RALGPS1: variants seen among roughly 807,000 people sequenced by gnomAD.
RALGPS1 encodes ras-specific guanine nucleotide-releasing factor RalGPS1.
RALGPS1 carries 19 observed loss-of-function variants against 78.8 expected under a neutral mutation model. The observed-to-expected ratio is 0.24, with a 90% CI of 0.17 to 0.35. The LOEUF (loss-of-function observed/expected upper bound fraction) is 0.35. RALGPS1 is among the 10% of genes least tolerant of loss of function. RALGPS1 has a pLI of 1.00. For missense variants in RALGPS1, 454 were observed against 688.3 expected, an observed-to-expected ratio of 0.66 and a Z score of 3.81; for synonymous variants, 228 against 256.3, an observed-to-expected ratio of 0.89 and a Z score of 1.06.
chr9:126,973,860 G>A (rs2040353306), intron 3 of RALGPS1, among the ~76,000 whole-genome samples: 1 of 151,988 alleles, frequency 6.6e-6, no homozygotes, highest in African/African-American at 2.4e-5. Context: ...TTGTCTTTGT[G>A]ACTTTTCTGT....
rs892143251 is a variant in RALGPS1 at position 126,925,655 on chromosome 9, T to C, written c.-66+10680T>C. Among the ~76,000 whole-genome samples the C allele has an allele frequency of 2.0e-5, 3 of 152,076 alleles. No homozygotes were observed. In the South Asian group the frequency reaches 6.2e-4, roughly 32 times the overall value. ...ATTGCTTGAGTCCCAGAGTTGAGTCTAGCTTGGGCAACGTAATGAGACCAG... is the reference window on the plus strand; with the variant it reads ...ATTGCTTGAGTCCCAGAGTTGAGTCCAGCTTGGGCAACGTAATGAGACCAG... On this transcript the variant is annotated intron_variant, in intron 1 of 18. Transcript: ENST00000259351.
intron 8 of RALGPS1, among the ~76,000 whole-genome samples, chr9:127,141,612 ATGGC>A: frequency 8.0e-6 from 1 of 125,498 alleles, no homozygotes; most frequent in African/African-American, 2.8e-5. Context: ...TATTTTTTTA[ATGGC>A]AAAAAAAAAA....
intron 3 of RALGPS1, among the ~76,000 whole-genome samples, chr9:126,974,277 A>T (rs2040396820): frequency 6.6e-6 from 1 of 152,078 alleles, no homozygotes; most frequent in Non-Finnish European, 1.5e-5. Context: ...CCATCCCCTG[A>T]CTCTTTTCTA....
At chr9:127,025,233 T>G (rs573650538) in intron 4 of RALGPS1, among the ~76,000 whole-genome samples, 4 of 152,242 alleles carry the variant, frequency 2.6e-5, no homozygotes, top group Non-Finnish European at 5.9e-5. Context: ...CTGTCATTCG[T>G]GTTTTTGTTG....
At chr9:127,001,175 C>G (rs1473412129) in intron 4 of RALGPS1, among the ~76,000 whole-genome samples, 1 of 151,242 alleles carries the variant, frequency 6.6e-6, no homozygotes, top group Non-Finnish European at 1.5e-5. Context: ...GTCGTCCCAG[C>G]TATTAGGAGG....
At chr9:127,004,070 C>T (rs1244672584) in intron 4 of RALGPS1, among the ~76,000 whole-genome samples, 2 of 152,160 alleles carry the variant, frequency 1.3e-5, no homozygotes, top group Non-Finnish European at 2.9e-5. Flanking sequence ...TGGTTAGTAT[C>T]AGTTACTTTG....
intron 8 of RALGPS1, chr9:127,089,267 C>A: frequency 1.1e-6 from 1 of 927,006 alleles, no homozygotes; most frequent in Non-Finnish European, 1.7e-6. Flanking sequence ...AAGGTGGACC[C>A]GTCTCCATGG....
rs57331253 is a variant in RALGPS1, at chr9:126,941,166, T to TGGG, written c.-65-21052_-65-21050dup. Among the ~76,000 whole-genome samples, 546 of 149,340 alleles carry TGGG rather than the reference T, an allele frequency of 3.7e-3. 9 individuals are homozygous for TGGG. Among genetic ancestry groups the TGGG allele is most frequent in the East Asian group, 0.035 (175 of 5,018 alleles). On this transcript the variant is annotated intron_variant, in intron 1 of 18. Transcript: ENST00000259351. ...TTAAAATTATGACTTCGTCTAGTTGTGGGGGGGGGTTGTTGGGGAAGGAGG... is the reference window on the plus strand; with the variant it reads ...TTAAAATTATGACTTCGTCTAGTTGTGGGGGGGGGGGGTTGTTGGGGAAGGAGG...
At chr9:126,937,682 G>A (rs2036392083) in intron 1 of RALGPS1, among the ~76,000 whole-genome samples, 1 of 152,190 alleles carries the variant, frequency 6.6e-6, no homozygotes, top group Admixed American at 6.5e-5. Context: ...CCAGGATTCA[G>A]AGGAGAAAAG....
chr9:126,936,132 C>G (rs894576493), intron 1 of RALGPS1, among the ~76,000 whole-genome samples: 2 of 152,200 alleles, frequency 1.3e-5, no homozygotes, highest in African/African-American at 2.4e-5. Flanking sequence ...CCAGTCATCC[C>G]GAGCCTCAGG....
chr9:127,089,196 A>G (rs1397629642), intron 8 of RALGPS1: 22 of 1,583,100 alleles, frequency 1.4e-5, no homozygotes, highest in South Asian at 3.3e-5. Flanking sequence ...ACTTGCGTCC[A>G]TAGTGCTCAG....
At chr9:126,965,167 T>C (rs2039351342) in intron 2 of RALGPS1, among the ~76,000 whole-genome samples, 1 of 152,232 alleles carries the variant, frequency 6.6e-6, no homozygotes, top group Admixed American at 6.5e-5. Flanking sequence ...CAGAGCGTCC[T>C]TAGCACAAAG....
chr9:127,017,195 A>G (rs569896453), intron 4 of RALGPS1, among the ~76,000 whole-genome samples: 2 of 152,340 alleles, frequency 1.3e-5, no homozygotes, highest in South Asian at 4.1e-4. Context: ...CCCTAGTGTG[A>G]ACACCATATT....
At chr9:127,195,023 C>T (rs1417072769) in intron 11 of RALGPS1, 68 bp from the exon 12 acceptor site, 5 of 1,583,752 alleles carry the variant, frequency 3.2e-6, no homozygotes, top group South Asian at 1.1e-5. Flanking sequence ...CACACCTCAA[C>T]CCAGCCTGTG....
intron 1 of RALGPS1, among the ~76,000 whole-genome samples, chr9:126,939,086 G>T (rs895807644): frequency 6.6e-6 from 1 of 152,212 alleles, no homozygotes; most frequent in South Asian, 2.1e-4. Flanking sequence ...GTGGGAGAGG[G>T]GGGCAGAGGG....
intron 8 of RALGPS1, among the ~76,000 whole-genome samples, chr9:127,138,504 A>C (rs2057549656): frequency 6.6e-6 from 1 of 152,168 alleles, no homozygotes; most frequent in African/African-American, 2.4e-5. Context: ...CAGAACCCTG[A>C]ACCATCCTGG....
intron 11 of RALGPS1, among the ~76,000 whole-genome samples, chr9:127,186,989 A>G (rs1388916376): frequency 6.6e-6 from 1 of 152,154 alleles, no homozygotes; most frequent in East Asian, 1.9e-4. Flanking sequence ...GACAGACAGG[A>G]AAAGGAGTCA....
intron 8 of RALGPS1, among the ~76,000 whole-genome samples, chr9:127,129,898 TTC>T (rs1043503306): frequency 6.6e-6 from 1 of 152,242 alleles, no homozygotes; most frequent in African/African-American, 2.4e-5. Context: ...CTCAATATTC[TTC>T]ATCTGCTCCC....
chr9:127,119,791 T>C (rs1252859879), intron 8 of RALGPS1, among the ~76,000 whole-genome samples: 1 of 152,064 alleles, frequency 6.6e-6, no homozygotes, highest in African/African-American at 2.4e-5. Flanking sequence ...ACTGCCTCAT[T>C]AGTAGTAAGT....
Sources: allele counts gnomAD v4.1 joint callset (sites outside exome capture counted in the v4.1 genomes callset), GRCh38; gene constraint gnomAD v4.1.1; transcripts MANE v1.5; gene names NCBI Gene and HGNC (gene_info 2026-07-23, HGNC 2026-07-21).